The following NYAP2 variants were observed in gnomAD, a reference collection of about 807,000 sequenced individuals.
The protein encoded by NYAP2 is neuronal tyrosine-phosphorylated phosphoinositide-3-kinase adapter 2.
NYAP2 carries 23 observed loss-of-function variants against 50.4 expected under a neutral mutation model. The ratio of observed to expected loss-of-function variants is 0.46; its 90% CI spans 0.33 to 0.65. NYAP2 has a LOEUF of 0.65. Ranked by LOEUF, NYAP2 falls within the 30% of genes least tolerant of loss-of-function variation. NYAP2 has a pLI of 0.02. For missense variants in NYAP2, 885 were observed against 861.0 expected, an observed-to-expected ratio of 1.03 and a Z score of -0.35; for synonymous variants, 394 against 365.2, an observed-to-expected ratio of 1.08 and a Z score of -0.90.
At chr2:225,663,956 T>G in the NYAP2 span, among the ~76,000 whole-genome samples, 1 of 152,172 alleles carries the variant, frequency 6.6e-6, no homozygotes, top group South Asian at 2.1e-4. Context: ...GGCAAACTAT[T>G]GCTTATTTGT....
intron 3 of NYAP2, among the ~76,000 whole-genome samples, chr2:225,434,709 T>G (rs1455794390): frequency 6.6e-6 from 1 of 152,190 alleles, no homozygotes; most frequent in Non-Finnish European, 1.5e-5. Flanking sequence ...ACATGGACAG[T>G]GCCATTGTTG....
intron 5 of NYAP2, among the ~76,000 whole-genome samples, chr2:225,594,652 G>GA (rs1258742044): frequency 2.6e-5 from 4 of 152,150 alleles, no homozygotes; most frequent in Non-Finnish European, 4.4e-5. Flanking sequence ...GTTCCCTGGT[G>GA]AAAAAATGGA....
chr2:225,588,791 A>T, intron 5 of NYAP2, among the ~76,000 whole-genome samples: 1 of 152,114 alleles, frequency 6.6e-6, no homozygotes, highest in East Asian at 1.9e-4. Context: ...GAGCAAGTTG[A>T]CCCGAACAGG....
rs1689551872 is a variant in NYAP2 at position 225,446,194 on chromosome 2, C to CTGTT, written c.221+37096_221+37097insTTGT. Among the ~76,000 whole-genome samples, 4 of 47,628 alleles carry CTGTT rather than the reference C, an allele frequency of 8.4e-5. No homozygotes were observed. The South Asian group carries it at 3.1e-3, about 37-fold the overall frequency. 31.2% of individuals were successfully genotyped at this position (47,628 alleles called of 152,430 possible). On this transcript the variant is annotated intron_variant, in intron 3 of 6. Transcript: ENST00000636099. ...AGACTCCATCTCTCTGTCTGTCTGT[C>CTGTT]TGTCTGTCTGTCTGTCTGTCTGTCT... is the stretch of plus-strand genomic sequence containing the variant.
intron 5 of NYAP2, among the ~76,000 whole-genome samples, chr2:225,617,169 G>A (rs573269688): frequency 2.6e-5 from 4 of 152,354 alleles, no homozygotes; most frequent in South Asian, 4.1e-4. Flanking sequence ...GCTTATGCCT[G>A]TAATCTCAGC....
intron 3 of NYAP2, among the ~76,000 whole-genome samples, chr2:225,509,334 T>C (rs923363918): frequency 4.6e-5 from 7 of 152,174 alleles, no homozygotes; most frequent in African/African-American, 1.7e-4. Flanking sequence ...CTCTGCCCCA[T>C]TGCATAAAAT....
intron 5 of NYAP2, among the ~76,000 whole-genome samples, chr2:225,589,672 G>A (rs1352573099): frequency 6.6e-6 from 1 of 151,462 alleles, no homozygotes; most frequent in African/African-American, 2.4e-5. Flanking sequence ...TCCAGACTGG[G>A]TAACAGAGCA....
At chr2:225,679,378 TA>T in the NYAP2 span, among the ~76,000 whole-genome samples, 1 of 152,036 alleles carries the variant, frequency 6.6e-6, no homozygotes, top group Non-Finnish European at 1.5e-5. Context: ...ATGCACATGA[TA>T]GTTATATTTA....
chr2:225,643,929 C>T (rs1693579880), intron 6 of NYAP2, among the ~76,000 whole-genome samples: 1 of 150,060 alleles, frequency 6.7e-6, no homozygotes, highest in African/African-American at 2.5e-5. Flanking sequence ...TTTATAGCAG[C>T]ATGATTTATA....
chr2:225,579,511 G>C (rs1429911902), intron 4 of NYAP2, among the ~76,000 whole-genome samples: 1 of 152,196 alleles, frequency 6.6e-6, no homozygotes, highest in Non-Finnish European at 1.5e-5. Context: ...TAGATATAGA[G>C]GGGCTTTATT....
intron 5 of NYAP2, among the ~76,000 whole-genome samples, chr2:225,621,346 A>G (rs1480001429): frequency 6.6e-6 from 1 of 152,202 alleles, no homozygotes; most frequent in Non-Finnish European, 1.5e-5. Context: ...GCGGGAATAT[A>G]TTGCCTTTAC....
chr2:225,426,781 C>T (rs1157198132), intron 3 of NYAP2, among the ~76,000 whole-genome samples: 1 of 152,114 alleles, frequency 6.6e-6, no homozygotes, highest in African/African-American at 2.4e-5. Context: ...TTTTATTAGG[C>T]CCACTCCACA....
At chr2:225,688,674 A>C in the NYAP2 span, among the ~76,000 whole-genome samples, 1 of 152,198 alleles carries the variant, frequency 6.6e-6, no homozygotes, top group East Asian at 1.9e-4. Context: ...ATAAGTGATA[A>C]AAACCACATC....
chr2:225,579,254 A>T (rs1559220103), intron 4 of NYAP2, among the ~76,000 whole-genome samples: 2 of 152,252 alleles, frequency 1.3e-5, no homozygotes, highest in East Asian at 1.9e-4. Context: ...CAACAGATGA[A>T]TTTTTTTGTG....
chr2:225,504,443 G>A lies in NYAP2; in HGVS notation c.222-8928G>A, dbSNP rs755295250. ...GAATTTGGGGTGGGGGAGCAGGGGCGACAAACATTCAGTCTATAGCACCTG... is the reference window on the plus strand; with the variant it reads ...GAATTTGGGGTGGGGGAGCAGGGGCAACAAACATTCAGTCTATAGCACCTG... On this transcript the variant is annotated intron_variant, in intron 3 of 6. Transcript: ENST00000636099. 1.1e-4 allele frequency among the ~76,000 whole-genome samples: 16 copies of A among 152,114 alleles called. 1 individual carries two copies. Among genetic ancestry groups the A allele is most frequent in the African/African-American group, 3.1e-4 (13 of 41,422 alleles).
At chr2:225,531,123 T>G (rs151119671) in intron 4 of NYAP2, among the ~76,000 whole-genome samples, 269 of 152,324 alleles carry the variant, frequency 1.8e-3, no homozygotes, top group African/African-American at 6.1e-3. Flanking sequence ...CTGCTTATCA[T>G]TTATCTGATA....
At chr2:225,423,748 A>G (rs1695249049) in intron 3 of NYAP2, among the ~76,000 whole-genome samples, 1 of 152,178 alleles carries the variant, frequency 6.6e-6, no homozygotes, top group Non-Finnish European at 1.5e-5. Context: ...ACAGCACAAT[A>G]AAACTATCTC....
chr2:225,538,327 A>C (rs925180370), intron 4 of NYAP2, among the ~76,000 whole-genome samples: 8 of 152,132 alleles, frequency 5.3e-5, no homozygotes, highest in Admixed American at 5.2e-4. Flanking sequence ...CCCTGCTCAA[A>C]CTTCTGTCTG....
chr2:225,637,442 G>A (rs984721488), intron 6 of NYAP2, among the ~76,000 whole-genome samples: 3 of 152,180 alleles, frequency 2.0e-5, no homozygotes, highest in African/African-American at 4.8e-5. Context: ...CTGCCATTCT[G>A]TGCAGTCAGA....
Sources: allele counts gnomAD v4.1 joint callset (sites outside exome capture counted in the v4.1 genomes callset), GRCh38; gene constraint gnomAD v4.1.1; transcripts MANE v1.5; gene names NCBI Gene and HGNC (gene_info 2026-07-23, HGNC 2026-07-21).